Variants in PDE4D observed in about 807,000 individuals in gnomAD.
The protein encoded by PDE4D is 3',5'-cyclic-AMP phosphodiesterase 4D.
PDE4D carries 24 observed loss-of-function variants against 87.4 expected under a neutral mutation model. The ratio of observed to expected loss-of-function variants is 0.27; its 90% CI spans 0.20 to 0.39. The LOEUF is 0.39. PDE4D is among the 10% of genes least tolerant of loss of function. The pLI is 1.00. For synonymous variants in PDE4D, 384 were observed against 383.2 expected, an observed-to-expected ratio of 1.00 and a Z score of -0.02; for missense variants, 714 against 1,041.0, an observed-to-expected ratio of 0.69 and a Z score of 4.32.
At chr5:59,886,855 T>C (rs995544814) in intron 1 of PDE4D, among the ~76,000 whole-genome samples, 8 of 152,096 alleles carry the variant, frequency 5.3e-5, no homozygotes, top group Non-Finnish European at 1.0e-4. Context: ...ATTTAGACTT[T>C]ATCTTGAAGG....
intron 1 of PDE4D, among the ~76,000 whole-genome samples, chr5:59,297,819 G>A (rs1213542983): frequency 6.6e-6 from 1 of 152,138 alleles, no homozygotes; most frequent in Non-Finnish European, 1.5e-5. Context: ...CCCAAATATG[G>A]ACTTTTAAAG....
chr5:59,916,513 T>C (rs1754059983), intron 3 of PDE4D, among the ~76,000 whole-genome samples: 1 of 152,192 alleles, frequency 6.6e-6, no homozygotes, highest in Non-Finnish European at 1.5e-5. Context: ...AGGTAAACTG[T>C]AGGGAAATAA....
intron 1 of PDE4D, among the ~76,000 whole-genome samples, chr5:60,484,827 C>T (rs1467378973): frequency 1.3e-5 from 2 of 152,186 alleles, no homozygotes; most frequent in Non-Finnish European, 2.9e-5. Flanking sequence ...TAATAGTGTA[C>T]ATGTACAGCA....
chr5:60,514,535 C>G (rs1440011419), intron 1 of PDE4D, among the ~76,000 whole-genome samples: 1 of 152,118 alleles, frequency 6.6e-6, no homozygotes, highest in Non-Finnish European at 1.5e-5. Flanking sequence ...GTTGGTTTAA[C>G]ATTCAAAATA....
At chr5:59,544,248 C>A (rs1460752190) in intron 1 of PDE4D, among the ~76,000 whole-genome samples, 1 of 152,174 alleles carries the variant, frequency 6.6e-6, no homozygotes. Context: ...GATTGAATTA[C>A]CCAATTGACG....
intron 2 of PDE4D, among the ~76,000 whole-genome samples, chr5:60,119,626 G>A (rs563266350): frequency 1.6e-4 from 24 of 152,258 alleles, no homozygotes; most frequent in African/African-American, 5.3e-4. Flanking sequence ...AGGACATAAT[G>A]AGAAGACTTA....
At chr5:59,615,696 C>G (rs1829572731) in intron 1 of PDE4D, among the ~76,000 whole-genome samples, 2 of 152,120 alleles carry the variant, frequency 1.3e-5, no homozygotes, top group Non-Finnish European at 2.9e-5. Flanking sequence ...GTCTCAGTAG[C>G]TGGGGTAATC....
chr5:60,127,244 G>A (rs1317310600), intron 2 of PDE4D, among the ~76,000 whole-genome samples: 4 of 152,274 alleles, frequency 2.6e-5, no homozygotes, highest in Non-Finnish European at 5.9e-5. Flanking sequence ...GAGACAAGGT[G>A]TGATTCAGAT....
intron 1 of PDE4D, among the ~76,000 whole-genome samples, chr5:59,541,180 T>C (rs1221583348): frequency 6.6e-6 from 1 of 152,190 alleles, no homozygotes; most frequent in African/African-American, 2.4e-5. Flanking sequence ...GCTTTATCTC[T>C]ATAATTTACA....
chr5:60,356,502 A>G (rs1237815453), intron 1 of PDE4D, among the ~76,000 whole-genome samples: 2 of 152,146 alleles, frequency 1.3e-5, no homozygotes, highest in African/African-American at 4.8e-5. Flanking sequence ...CTGAATGATA[A>G]TTTTTATGAA....
intron 5 of PDE4D, chr5:59,091,217 C>T (rs1392617664): frequency 1.4e-5 from 6 of 431,548 alleles, no homozygotes; most frequent in Admixed American, 7.8e-5. Context: ...ACCACTTTGT[C>T]AAATGCTTTC....
At chr5:60,404,737 C>T (rs900082490) in intron 1 of PDE4D, among the ~76,000 whole-genome samples, 4 of 152,188 alleles carry the variant, frequency 2.6e-5, no homozygotes, top group African/African-American at 4.8e-5. Context: ...ATAAGGGCTC[C>T]GTAACATGAC....
intron 1 of PDE4D, among the ~76,000 whole-genome samples, chr5:59,478,084 A>G (rs1259502476): frequency 6.6e-6 from 1 of 152,008 alleles, no homozygotes; most frequent in East Asian, 1.9e-4. Flanking sequence ...AAAACTACTT[A>G]TTGGATGCTA....
At chr5:60,377,132 AC>A (rs1761492681) in intron 1 of PDE4D, among the ~76,000 whole-genome samples, 1 of 152,198 alleles carries the variant, frequency 6.6e-6, no homozygotes, top group Non-Finnish European at 1.5e-5. Context: ...CTGTGAGCTC[AC>A]TGTGCTTCTC....
chr5:59,170,278 A>G (rs979625549), intron 5 of PDE4D, among the ~76,000 whole-genome samples: 1 of 152,066 alleles, frequency 6.6e-6, no homozygotes, highest in Non-Finnish European at 1.5e-5. Flanking sequence ...TTGCCTCCCA[A>G]AGTGCTGGAA....
At chr5:60,001,978 C>CA (rs1312483064) in intron 2 of PDE4D, among the ~76,000 whole-genome samples, 4 of 147,550 alleles carry the variant, frequency 2.7e-5, no homozygotes, top group East Asian at 4.0e-4. Flanking sequence ...ACAGCAACAA[C>CA]AAAAAAAAGC....
chr5:59,574,128 T>TTATATATATATATATAAATATATATTTA (rs1561241926), intron 1 of PDE4D, among the ~76,000 whole-genome samples: 9 of 3,832 alleles, frequency 2.3e-3, no homozygotes, highest in Admixed American at 5.2e-3. Flanking sequence ...AAATATATAT[T>TTATATATATATATATAAATATATATTTA]TATATATATA....
chr5:60,249,654 A>C (rs1748203104), intron 1 of PDE4D, among the ~76,000 whole-genome samples: 1 of 152,086 alleles, frequency 6.6e-6, no homozygotes, highest in Non-Finnish European at 1.5e-5. Context: ...ATAGGATTTA[A>C]ATGAATATTC....
At chr5:58,999,487 A>T in intron 6 of PDE4D, 1 of 1,509,320 alleles carries the variant, frequency 6.6e-7, no homozygotes, top group Non-Finnish European at 9.0e-7. Flanking sequence ...AGTAAGTCTT[A>T]CCTTTATGTA....
Sources: gnomAD v4.1 joint callset for allele counts (sites outside exome capture counted in the v4.1 genomes callset) on GRCh38, gnomAD v4.1.1 for gene constraint, MANE v1.5 for transcripts, NCBI Gene and HGNC (gene_info 2026-07-23, HGNC 2026-07-21) for gene names.